Variants in BMPR1A observed in about 807,000 individuals in gnomAD.
BMPR1A encodes bone morphogenetic protein receptor type 1A.
In BMPR1A, 7 loss-of-function variants were observed where a neutral mutation model predicts 66.0. The observed-to-expected ratio is 0.11, with a 90% CI of 0.06 to 0.20. BMPR1A has a LOEUF of 0.20. Among genes scored for constraint, BMPR1A ranks in the 10% least tolerant of loss-of-function variants. The pLI, the probability that BMPR1A is intolerant of heterozygous loss-of-function variation, is 1.00. For synonymous variants in BMPR1A, 200 were observed against 229.7 expected (o/e 0.87, Z 1.17); for missense variants, 408 against 669.1 (o/e 0.61, Z 4.31).
intron 5 of BMPR1A, among the ~76,000 whole-genome samples, chr10:86,898,261 C>T (rs1369423285): frequency 6.9e-6 from 1 of 145,262 alleles, no homozygotes; most frequent in Admixed American, 7.0e-5. Context: ...ATATATATAA[C>T]ATATATATAA....
intron 1 of BMPR1A, among the ~76,000 whole-genome samples, chr10:86,757,372 C>G (rs993590495): frequency 1.6e-4 from 25 of 152,194 alleles, no homozygotes; most frequent in Admixed American, 1.5e-3. Context: ...CCCCCGAGTC[C>G]CCGCGGGAAG....
chr10:86,926,542 C>CA lies in BMPR1A; in HGVS notation c.*2829dup, dbSNP rs1843748640. 1 of 174,560 alleles carries CA rather than the reference C, an allele frequency of 5.7e-6. No individual in the cohort carries two copies. The highest frequency in any genetic ancestry group is 2.0e-4 in the South Asian group (1 of 5,016). The allele number at this position is 174,560 out of a possible 1,614,324, so 10.8% of individuals were successfully genotyped here. A position where few individuals can be genotyped will look rare whatever the true frequency, so the allele number is the denominator to read the frequency against. On this transcript the variant is annotated 3_prime_UTR_variant, in exon 13 of 13. Transcript: ENST00000372037. Reference sequence around the variant, plus strand: ...CTCAAATAAACAAACAAATAAATAACAAAAAACAAAAATGTTGCATTAAAC... The same window carrying CA: ...CTCAAATAAACAAACAAATAAATAACAAAAAAACAAAAATGTTGCATTAAAC...
At chr10:86,784,736 AG>A (rs1327583860) in intron 1 of BMPR1A, among the ~76,000 whole-genome samples, 1 of 152,148 alleles carries the variant, frequency 6.6e-6, no homozygotes, top group Admixed American at 6.6e-5. Context: ...CAGTCCTGGC[AG>A]GTTGTGTGTT....
At chr10:86,845,152 G>A (rs1223764326) in intron 2 of BMPR1A, among the ~76,000 whole-genome samples, 1 of 152,162 alleles carries the variant, frequency 6.6e-6, no homozygotes, top group Non-Finnish European at 1.5e-5. Context: ...CTTGAAAGAA[G>A]AGCCTGAGAA....
chr10:86,884,722 T>C (rs1387203202), intron 3 of BMPR1A, among the ~76,000 whole-genome samples: 1 of 152,108 alleles, frequency 6.6e-6, no homozygotes, highest in East Asian at 1.9e-4. Context: ...GCCAAGCATA[T>C]GATTTTTAAT....
At chr10:86,835,353 C>T (rs2133089595) in intron 1 of BMPR1A, among the ~76,000 whole-genome samples, 1 of 149,686 alleles carries the variant, frequency 6.7e-6, no homozygotes, top group African/African-American at 2.4e-5. Flanking sequence ...ATCATGAGGT[C>T]AGGAGTTCAA....
intron 1 of BMPR1A, among the ~76,000 whole-genome samples, chr10:86,821,554 T>C (rs1842120344): frequency 6.6e-6 from 1 of 152,146 alleles, no homozygotes; most frequent in Admixed American, 6.5e-5. Flanking sequence ...GCTAAGTTGC[T>C]CTCTAGAGAG....
intron 8 of BMPR1A, among the ~76,000 whole-genome samples, chr10:86,912,888 ATAATTT>A (rs2133549867): frequency 6.6e-6 from 1 of 152,336 alleles, no homozygotes; most frequent in Admixed American, 6.5e-5. Flanking sequence ...TCAATAAAAA[ATAATTT>A]TAAAGGGAAT....
chr10:86,826,411 A>AACACACACACAC (rs34389289), intron 1 of BMPR1A, among the ~76,000 whole-genome samples: 1,887 of 147,078 alleles, frequency 0.013, 50 homozygotes, highest in East Asian at 0.082. Context: ...CAATCAAGGA[A>AACACACACACAC]ACACACACAC....
intron 3 of BMPR1A, among the ~76,000 whole-genome samples, chr10:86,879,871 C>T (rs1240014209): frequency 6.6e-6 from 1 of 152,190 alleles, no homozygotes; most frequent in Non-Finnish European, 1.5e-5. Flanking sequence ...TGGAAACAAC[C>T]TCAGTATTCA....
chr10:86,780,494 G>A (rs2132705814), intron 1 of BMPR1A, among the ~76,000 whole-genome samples: 1 of 152,214 alleles, frequency 6.6e-6, no homozygotes, highest in African/African-American at 2.4e-5. Flanking sequence ...GAGTGCAGTG[G>A]CACGATCTCG....
intron 1 of BMPR1A, among the ~76,000 whole-genome samples, chr10:86,788,398 G>A (rs981460150): frequency 1.3e-5 from 2 of 152,096 alleles, no homozygotes; most frequent in African/African-American, 4.8e-5. Flanking sequence ...ATAAAAAATT[G>A]TTCCCAAATG....
chr10:86,923,505 A>G lies in BMPR1A; in HGVS notation c.1472A>G (p.Glu491Gly). 1 of 1,614,240 alleles carries G rather than the reference A, an allele frequency of 6.2e-7. No individual in the cohort carries two copies. The highest frequency in any genetic ancestry group is 8.5e-7 in the Non-Finnish European group (1 of 1,180,046). Residue 491 changes from glutamate to glycine, a missense_variant and splice_region_variant, in exon 12 of 13, where the codon GAA (glutamate) becomes GGA (glycine). Physicochemically the swap from Glu to Gly is moderately conservative, Grantham distance 98. Around this residue, in one of 5 missense-constraint regions of BMPR1A, gnomAD observed 130 missense variants for 257.3 expected, o/e 0.51. Coordinates refer to ENST00000372037, the MANE Select transcript of BMPR1A (RefSeq NM_004329.3). The part of the protein sequence containing the change: ...PIVSNRWNSD[E>G]CLRAVLKLMS... ...GTGTCTAATCGGTGGAACAGTGATG[A>G]AGTGAGTGGAACTCAGTCCCCTGAA...
intron 1 of BMPR1A, among the ~76,000 whole-genome samples, chr10:86,822,120 G>A (rs1251101268): frequency 2.0e-5 from 3 of 152,084 alleles, no homozygotes; most frequent in African/African-American, 7.2e-5. Flanking sequence ...GAGCCAGCAT[G>A]CCTGGCCTCA....
At chr10:86,904,911 T>A (rs951518473) in intron 7 of BMPR1A, among the ~76,000 whole-genome samples, 5 of 152,342 alleles carry the variant, frequency 3.3e-5, no homozygotes, top group Admixed American at 6.5e-5. Flanking sequence ...GCTAGTTCAG[T>A]CTGTGAAGAT....
At chr10:86,822,490 A>G (rs1842133448) in intron 1 of BMPR1A, among the ~76,000 whole-genome samples, 1 of 152,190 alleles carries the variant, frequency 6.6e-6, no homozygotes, top group Admixed American at 6.5e-5. Flanking sequence ...AAGAAAACGT[A>G]TGGCATTAGG....
At chr10:86,762,358 AT>A (rs924512683) in intron 1 of BMPR1A, among the ~76,000 whole-genome samples, 4 of 151,970 alleles carry the variant, frequency 2.6e-5, no homozygotes, top group Admixed American at 6.6e-5. Flanking sequence ...AGCATTGAGA[AT>A]TTTTTTTCTT....
rs535254986 is a variant in BMPR1A at position 86,768,486 on chromosome 10, T to G, written c.-268+11567T>G. On this transcript the variant is annotated intron_variant, in intron 1 of 12. Coordinates refer to ENST00000372037, the MANE Select transcript of BMPR1A (RefSeq NM_004329.3). ...GTTCTTAAAATTATGCACTCTTCCCTGTTTTTTCTTAGCATTTTATCAATT... is the reference window on the plus strand; with the variant it reads ...GTTCTTAAAATTATGCACTCTTCCCGGTTTTTTCTTAGCATTTTATCAATT... 2.0e-5 allele frequency among the ~76,000 whole-genome samples: 3 copies of G among 152,342 alleles called. No homozygotes were observed. The South Asian group carries it at 6.2e-4, about 32-fold the overall frequency.
At chr10:86,913,453 T>C (rs1843520974) in intron 8 of BMPR1A, among the ~76,000 whole-genome samples, 1 of 152,066 alleles carries the variant, frequency 6.6e-6, no homozygotes, top group Admixed American at 6.6e-5. Flanking sequence ...AAATTCATCT[T>C]ATTAAATAAC....
Sources: gnomAD v4.1 joint callset for allele counts (sites outside exome capture counted in the v4.1 genomes callset) on GRCh38, gnomAD v4.1.1 for gene constraint, gnomAD v4.1.1 regional missense constraint, MANE v1.5 for transcripts, NCBI Gene and HGNC (gene_info 2026-07-23, HGNC 2026-07-21) for gene names.